Variants in PTPRN2 observed in about 807,000 individuals in gnomAD.
The protein encoded by PTPRN2 is receptor-type tyrosine-protein phosphatase N2.
A neutral mutation model predicts 118.8 loss-of-function variants in PTPRN2; 74 were observed. That is an observed-to-expected ratio of 0.62 (90% CI 0.52 to 0.76). The LOEUF is 0.76. Ranked by LOEUF, PTPRN2 falls within the 30% of genes least tolerant of loss-of-function variation. The probability of loss-of-function intolerance (pLI) is 0.00; values close to 1 mark genes in which losing one functional copy is unlikely to be tolerated. For missense variants in PTPRN2, 1,481 were observed against 1,394.4 expected, an observed-to-expected ratio of 1.06 and a Z score of -0.99; for synonymous variants, 641 against 608.0, an observed-to-expected ratio of 1.05 and a Z score of -0.80.
chr7:157,879,053 G>A (rs1206238953), intron 12 of PTPRN2, among the ~76,000 whole-genome samples: 3 of 146,046 alleles, frequency 2.1e-5, no homozygotes, highest in South Asian at 2.2e-4. Flanking sequence ...ATTACTCACC[G>A]AGGAGCTCTC....
chr7:158,238,336 T>C (rs1203360710), intron 3 of PTPRN2, among the ~76,000 whole-genome samples: 1 of 151,824 alleles, frequency 6.6e-6, no homozygotes, highest in African/African-American at 2.4e-5. Context: ...GCCAAGCAGG[T>C]CCTGCCAGTT....
chr7:157,866,608 G>C (rs928447733), intron 12 of PTPRN2, among the ~76,000 whole-genome samples: 1 of 152,060 alleles, frequency 6.6e-6, no homozygotes, highest in African/African-American at 2.4e-5. Context: ...TGAGGCTGGT[G>C]TGCATTCTCC....
intron 11 of PTPRN2, among the ~76,000 whole-genome samples, chr7:158,079,208 A>G (rs1812609572): frequency 6.6e-6 from 1 of 152,208 alleles, no homozygotes; most frequent in Admixed American, 6.5e-5. Context: ...ATAATTCTTT[A>G]AAAATCATGC....
intron 22 of PTPRN2, among the ~76,000 whole-genome samples, chr7:157,548,706 C>G (rs371365812): frequency 1.3e-5 from 2 of 152,148 alleles, no homozygotes; most frequent in East Asian, 3.8e-4. Flanking sequence ...GCCAGTGGAT[C>G]GAGTTCCTAG....
At chr7:157,897,233 C>T (rs905264000) in intron 12 of PTPRN2, among the ~76,000 whole-genome samples, 4 of 152,142 alleles carry the variant, frequency 2.6e-5, no homozygotes, top group African/African-American at 9.7e-5. Context: ...GCTCCTTGTA[C>T]ACGCAGGAGA....
chr7:158,097,241 G>T (rs1455045842), intron 10 of PTPRN2, among the ~76,000 whole-genome samples: 1 of 152,124 alleles, frequency 6.6e-6, no homozygotes, highest in African/African-American at 2.4e-5. Flanking sequence ...AGGCACTGGG[G>T]AAGGAGGTGG....
chr7:158,549,047 C>T (rs983858424), intron 1 of PTPRN2, among the ~76,000 whole-genome samples: 1 of 152,184 alleles, frequency 6.6e-6, no homozygotes, highest in Admixed American at 6.5e-5. Flanking sequence ...AGTGCCACCC[C>T]AGGGGGGCCG....
Position 158,358,208 on chromosome 7 carries a change from C to T in PTPRN2, c.164-41276G>A, listed in dbSNP as rs74531829. ...AAACCAACCACAGGGAGACCTGAGA[C>T]GCCCTACGCCCACCTTTCTTCCGGC... On this transcript the variant is annotated intron_variant, in intron 2 of 22. Transcript: ENST00000389418. Among the ~76,000 whole-genome samples, 1,395 of 152,310 alleles carry T rather than the reference C, an allele frequency of 9.2e-3. 21 individuals are homozygous for T. Among genetic ancestry groups the T allele is most frequent in the African/African-American group, 0.031 (1,304 of 41,564 alleles).
rs200608587 is a variant in PTPRN2, at chr7:158,532,617, C to CTA, written c.113-42833_113-42832insTA. On this transcript the variant is annotated intron_variant, in intron 1 of 22. Transcript: ENST00000389418. ...AACATGGGTAAAAAGTAAGAAAAGA[C>CTA]CAAAAACGTCACTAAACTTCAAAAA... 2,226 of 379,920 alleles carry CTA rather than the reference C, an allele frequency of 5.9e-3. 74 individuals carry two copies. The Admixed American group carries it at 0.064, about 11-fold the overall frequency. The allele number at this position is 379,920 out of a possible 1,614,324, so 23.5% of individuals were successfully genotyped here. A position where few individuals can be genotyped will look rare whatever the true frequency, so the allele number is the denominator to read the frequency against.
At chr7:157,725,696 G>T (rs1439007878) in intron 12 of PTPRN2, among the ~76,000 whole-genome samples, 1 of 102,138 alleles carries the variant, frequency 9.8e-6, no homozygotes. Context: ...CCTCCCAGGA[G>T]AACTGGATAT....
At chr7:158,018,075 G>C (rs1235040334) in intron 11 of PTPRN2, among the ~76,000 whole-genome samples, 6 of 152,190 alleles carry the variant, frequency 3.9e-5, no homozygotes. Context: ...GGGTTTGAAA[G>C]TTCCCAGAGA....
chr7:157,697,495 A>G (rs572810618), intron 12 of PTPRN2, among the ~76,000 whole-genome samples: 54 of 91,270 alleles, frequency 5.9e-4, no homozygotes, highest in Admixed American at 1.1e-3. Flanking sequence ...TGCATACTGG[A>G]TCTTAGTAGA....
intron 2 of PTPRN2, among the ~76,000 whole-genome samples, chr7:158,331,666 G>A (rs1344596254): frequency 1.3e-4 from 12 of 95,168 alleles, no homozygotes; most frequent in South Asian, 3.4e-4. Flanking sequence ...CACTCACGCC[G>A]ACACTCTCAC....
chr7:158,492,298 G>A (rs895335117), intron 1 of PTPRN2, among the ~76,000 whole-genome samples: 1 of 152,220 alleles, frequency 6.6e-6, no homozygotes, highest in African/African-American at 2.4e-5. Flanking sequence ...GAGACCTTGG[G>A]GGAAGGCAGA....
chr7:158,144,594 G>C (rs895957788), intron 6 of PTPRN2, among the ~76,000 whole-genome samples: 8 of 152,000 alleles, frequency 5.3e-5, no homozygotes, highest in Admixed American at 3.3e-4. Flanking sequence ...AGCTAAGATT[G>C]TGCCACTGCA....
intron 11 of PTPRN2, among the ~76,000 whole-genome samples, chr7:157,911,973 T>C (rs990623417): frequency 2.6e-5 from 4 of 152,356 alleles, no homozygotes; most frequent in African/African-American, 9.6e-5. Context: ...ACGCTTTATT[T>C]TTCCAATCAC....
chr7:157,608,533 G>A (rs186825075), intron 15 of PTPRN2, among the ~76,000 whole-genome samples: 38 of 152,296 alleles, frequency 2.5e-4, no homozygotes, highest in African/African-American at 7.7e-4. Context: ...TGTGCCTGGC[G>A]AATCTCTATT....
chr7:157,685,425 G>A (rs1208414934), intron 12 of PTPRN2, among the ~76,000 whole-genome samples: 1 of 152,106 alleles, frequency 6.6e-6, no homozygotes, highest in Non-Finnish European at 1.5e-5. Context: ...GGACCCGGCA[G>A]TGGCACCCAG....
At chr7:157,663,939 C>T (rs1014843370) in intron 13 of PTPRN2, among the ~76,000 whole-genome samples, 5 of 152,186 alleles carry the variant, frequency 3.3e-5, no homozygotes, top group Non-Finnish European at 5.9e-5. Flanking sequence ...ATGGTTTAGC[C>T]AGTGCCAACG....
Sources: gnomAD v4.1 joint callset for allele counts (sites outside exome capture counted in the v4.1 genomes callset) on GRCh38, gnomAD v4.1.1 for gene constraint, MANE v1.5 for transcripts, NCBI Gene and HGNC (gene_info 2026-07-23, HGNC 2026-07-21) for gene names.